The following ANKRD44 variants were observed in gnomAD, a reference collection of about 807,000 sequenced individuals.
ANKRD44 encodes ankyrin repeat domain 44.
In ANKRD44, 35 loss-of-function variants were observed where a neutral mutation model predicts 116.0. The ratio of observed to expected loss-of-function variants is 0.30; its 90% CI spans 0.23 to 0.40. ANKRD44 has a LOEUF of 0.40. Ranked by LOEUF, ANKRD44 falls within the 10% of genes least tolerant of loss-of-function variation. The pLI is 1.00. For synonymous variants in ANKRD44, 435 were observed against 461.8 expected (o/e 0.94, Z 0.74); for missense variants, 1,014 against 1,242.6 (o/e 0.82, Z 2.77).
intron 21 of ANKRD44, among the ~76,000 whole-genome samples, chr2:197,002,937 T>C (rs919450375): frequency 2.0e-5 from 3 of 152,156 alleles, no homozygotes; most frequent in Non-Finnish European, 2.9e-5. Flanking sequence ...CAAATCAAAC[T>C]TTTCTTATAT....
chr2:197,029,700 G>T (rs1402702220), intron 16 of ANKRD44: 1 of 260,720 alleles, frequency 3.8e-6, no homozygotes, highest in Non-Finnish European at 7.5e-6. Context: ...TACGATGATG[G>T]TTTCTCATTT....
chr2:197,192,778 C>T (rs1054915713), intron 1 of ANKRD44, among the ~76,000 whole-genome samples: 1 of 152,120 alleles, frequency 6.6e-6, no homozygotes, highest in Admixed American at 6.5e-5. Flanking sequence ...TCACCCTTTA[C>T]TTGAGAAGTT....
chr2:197,098,759 C>T (rs1007181560), intron 10 of ANKRD44, among the ~76,000 whole-genome samples: 2 of 152,130 alleles, frequency 1.3e-5, no homozygotes, highest in Admixed American at 6.5e-5. Flanking sequence ...GTAATTAAGT[C>T]ACTTAATCCT....
chr2:196,986,795 G>T lies in ANKRD44; in HGVS notation c.*2796C>A. 1 of 985,346 alleles carries T rather than the reference G, an allele frequency of 1.0e-6. No individual in the cohort carries two copies. The highest frequency in any genetic ancestry group is 1.2e-6 in the Non-Finnish European group (1 of 829,888). The allele number at this position is 985,346 out of a possible 1,614,324, so 61.0% of individuals were successfully genotyped here. On this transcript the variant is annotated 3_prime_UTR_variant, in exon 28 of 28. Coordinates refer to ENST00000282272, the MANE Select transcript of ANKRD44 (RefSeq NM_001195144.2). ...TGCAAAAGTATTAAACTGTGCTTGA[G>T]AAGATTCAGATTGTTTCAAAGTCAT...
rs182005601 is a variant in ANKRD44 at position 197,016,843 on chromosome 2, A to G, written c.1723-3131T>C. Among the ~76,000 whole-genome samples, 416 of 152,300 alleles carry G rather than the reference A, an allele frequency of 2.7e-3. 4 individuals carry two copies. The highest frequency in any genetic ancestry group is 9.6e-3 in the African/African-American group (400 of 41,560). On this transcript the variant is annotated intron_variant, in intron 17 of 27. Coordinates refer to ENST00000282272, the MANE Select transcript of ANKRD44 (RefSeq NM_001195144.2). ...ATTTTTTTACTGCAGCTATTACTCA[A>G]GATACAATTTGTTTGAAAAAAGGCT...
intron 25 of ANKRD44, among the ~76,000 whole-genome samples, chr2:196,998,009 T>C: frequency 6.6e-6 from 1 of 152,234 alleles, no homozygotes; most frequent in Non-Finnish European, 1.5e-5. Context: ...CTCACTTTTA[T>C]GTGGTACCAA....
At chr2:196,997,950 T>C (rs2076043774) in intron 25 of ANKRD44, among the ~76,000 whole-genome samples, 1 of 152,108 alleles carries the variant, frequency 6.6e-6, no homozygotes, top group Admixed American at 6.6e-5. Flanking sequence ...TGGAACAAAA[T>C]GAAAACAAGT....
chr2:197,065,303 A>T (rs2077407278), intron 16 of ANKRD44, among the ~76,000 whole-genome samples: 1 of 152,216 alleles, frequency 6.6e-6, no homozygotes, highest in Non-Finnish European at 1.5e-5. Context: ...CATTTAAAGC[A>T]GTGTGTAGAG....
chr2:197,219,389 C>G (rs576570797), intron 1 of ANKRD44, among the ~76,000 whole-genome samples: 2 of 152,128 alleles, frequency 1.3e-5, no homozygotes, highest in South Asian at 4.2e-4. Context: ...TTTTTAAAAC[C>G]ATTTTCAAGT....
At chr2:197,274,265 A>G (rs2083009575) in intron 1 of ANKRD44, among the ~76,000 whole-genome samples, 1 of 152,032 alleles carries the variant, frequency 6.6e-6, no homozygotes, top group African/African-American at 2.4e-5. Flanking sequence ...TTCCTCATCT[A>G]TAAAATGGGA....
chr2:196,973,898 A>T (rs2075737560), intron 21 of ANKRD44, among the ~76,000 whole-genome samples: 1 of 152,182 alleles, frequency 6.6e-6, no homozygotes, highest in African/African-American at 2.4e-5. Context: ...CACCATGGTT[A>T]TTAGACTTTT....
chr2:197,176,256 T>C (rs2080361578), intron 2 of ANKRD44, among the ~76,000 whole-genome samples: 1 of 152,206 alleles, frequency 6.6e-6, no homozygotes, highest in South Asian at 2.1e-4. Flanking sequence ...ACTTCGAAAT[T>C]TTAGTAAACT....
chr2:196,990,254 G>C (rs2075893460), intron 27 of ANKRD44: 1 of 987,144 alleles, frequency 1.0e-6, no homozygotes, highest in African/African-American at 1.7e-5. Context: ...AGAAGTTTGA[G>C]GCATTTCCTA....
intron 2 of ANKRD44, among the ~76,000 whole-genome samples, chr2:197,175,514 G>A (rs1410361359): frequency 2.0e-5 from 3 of 152,124 alleles, no homozygotes; most frequent in Non-Finnish European, 4.4e-5. Context: ...ACACAGTGTC[G>A]GTACCACTGA....
intron 2 of ANKRD44, among the ~76,000 whole-genome samples, chr2:197,183,891 A>G (rs2080580183): frequency 6.6e-6 from 1 of 152,192 alleles, no homozygotes; most frequent in Admixed American, 6.5e-5. Flanking sequence ...AAATTCCTAT[A>G]TATCTCTCAA....
chr2:197,121,609 A>T, intron 7 of ANKRD44, 65 bp from the exon 8 acceptor site: 2 of 1,373,108 alleles, frequency 1.5e-6, no homozygotes, highest in Non-Finnish European at 2.0e-6. Flanking sequence ...TTTTCCACAA[A>T]AAGCATAACG....
At chr2:197,072,602 C>T (rs143541529) in intron 16 of ANKRD44, among the ~76,000 whole-genome samples, 15 of 152,348 alleles carry the variant, frequency 9.8e-5, no homozygotes, top group Admixed American at 5.2e-4. Flanking sequence ...AAAGCTTAGT[C>T]ACTCACAGTG....
intron 2 of ANKRD44, among the ~76,000 whole-genome samples, chr2:197,184,797 T>C (rs568461615): frequency 6.6e-6 from 1 of 152,230 alleles, no homozygotes; most frequent in Non-Finnish European, 1.5e-5. Flanking sequence ...TCTAATATGT[T>C]CATAAAGAGA....
At chr2:197,254,044 C>T (rs2082382006) in intron 1 of ANKRD44, among the ~76,000 whole-genome samples, 1 of 152,224 alleles carries the variant, frequency 6.6e-6, no homozygotes, top group African/African-American at 2.4e-5. Context: ...CTTCTGGCCT[C>T]ACGTAACTAA....
Sources: gnomAD v4.1 joint callset for allele counts (sites outside exome capture counted in the v4.1 genomes callset) on GRCh38, gnomAD v4.1.1 for gene constraint, MANE v1.5 for transcripts, NCBI Gene and HGNC (gene_info 2026-07-23, HGNC 2026-07-21) for gene names.